Variants in MELK observed in about 807,000 individuals in gnomAD.
The protein encoded by MELK is pEg3 kinase.
In MELK, 81 loss-of-function variants were observed where a neutral mutation model predicts 85.0. The ratio of observed to expected loss-of-function variants is 0.95; its 90% CI spans 0.80 to 1.15. MELK has a LOEUF of 1.15. Among genes scored for constraint, MELK ranks in the 50% most tolerant of loss-of-function variants. MELK has a pLI of 0.00. For synonymous variants in MELK, 252 were observed against 265.0 expected, an observed-to-expected ratio of 0.95 and a Z score of 0.48; for missense variants, 754 against 777.5, an observed-to-expected ratio of 0.97 and a Z score of 0.36.
At chr9:36,576,930 C>T (rs190407935) in intron 1 of MELK, among the ~76,000 whole-genome samples, 8 of 152,152 alleles carry the variant, frequency 5.3e-5, no homozygotes, top group Admixed American at 2.6e-4. Context: ...TTTAAAATGT[C>T]CTTTGTGGCT....
chr9:36,602,654 G>A (rs1332852316), intron 7 of MELK, among the ~76,000 whole-genome samples: 1 of 150,456 alleles, frequency 6.6e-6, no homozygotes. Context: ...CAGCCTCCTG[G>A]GTTCAAGCGA....
intron 11 of MELK, among the ~76,000 whole-genome samples, chr9:36,649,302 C>T (rs1015002507): frequency 2.0e-5 from 3 of 151,946 alleles, no homozygotes; most frequent in African/African-American, 4.8e-5. Flanking sequence ...CTGGCTAGCA[C>T]GGTGAAACCC....
In MELK at chr9:36,636,782, T is replaced by TCTGTCTG. The variant is rs1829220194; in HGVS notation, c.834+3582_834+3583insCTGTCTG. ...TTTCTTTCTTTCTTTCTTTCTTTCT[T>TCTGTCTG]TCTGTCTGTCTTTCTTTCTTTCTGT... On this transcript the variant is annotated intron_variant, in intron 10 of 17. Transcript: ENST00000298048. Among the ~76,000 whole-genome samples, 515 of 107,604 alleles carry TCTGTCTG rather than the reference T, an allele frequency of 4.8e-3. 5 individuals carry two copies. Among genetic ancestry groups the TCTGTCTG allele is most frequent in the African/African-American group, 0.016 (390 of 24,480 alleles). The allele number at this position is 107,604 out of a possible 152,430, so 70.6% of individuals were successfully genotyped here. A position where few individuals can be genotyped will look rare whatever the true frequency, so the allele number is the denominator to read the frequency against.
At chr9:36,643,990 T>G (rs1341099498) in intron 11 of MELK, among the ~76,000 whole-genome samples, 2 of 147,158 alleles carry the variant, frequency 1.4e-5, no homozygotes, top group African/African-American at 5.0e-5. Flanking sequence ...ATGGACAGAG[T>G]TCTAATTTTG....
chr9:36,634,889 C>T (rs1208861742), intron 10 of MELK, among the ~76,000 whole-genome samples: 2 of 152,020 alleles, frequency 1.3e-5, no homozygotes, highest in Non-Finnish European at 2.9e-5. Context: ...CCCAGCTACT[C>T]AGGAGGCTGA....
At chr9:36,636,164 A>G (rs1220804650) in intron 10 of MELK, among the ~76,000 whole-genome samples, 1 of 151,988 alleles carries the variant, frequency 6.6e-6, no homozygotes, top group African/African-American at 2.4e-5. Flanking sequence ...TATTTTGTGT[A>G]TTAGTTATTG....
intron 4 of MELK, among the ~76,000 whole-genome samples, chr9:36,594,373 T>C (rs1265591006): frequency 1.3e-5 from 2 of 152,222 alleles, no homozygotes; most frequent in African/African-American, 4.8e-5. Flanking sequence ...CTTTTTAAAA[T>C]CACAGTGGTA....
intron 8 of MELK, among the ~76,000 whole-genome samples, chr9:36,608,003 G>A (rs1462361550): frequency 1.3e-5 from 2 of 152,020 alleles, no homozygotes; most frequent in African/African-American, 4.8e-5. Context: ...CATTCAGGCC[G>A]GGCGCGGTGG....
chr9:36,588,648 G>A (rs895386122), intron 3 of MELK, among the ~76,000 whole-genome samples: 2 of 152,114 alleles, frequency 1.3e-5, no homozygotes, highest in Non-Finnish European at 2.9e-5. Context: ...CAAAGTGCTG[G>A]GATTATACGC....
intron 7 of MELK, among the ~76,000 whole-genome samples, chr9:36,601,365 GA>G (rs1308953484): frequency 1.3e-5 from 2 of 152,164 alleles, no homozygotes; most frequent in African/African-American, 4.8e-5. Flanking sequence ...CATTTTTGAA[GA>G]AGCCAGTTAT....
At chr9:36,639,394 T>G (rs957126310) in intron 10 of MELK, among the ~76,000 whole-genome samples, 3 of 152,206 alleles carry the variant, frequency 2.0e-5, no homozygotes, top group African/African-American at 7.2e-5. Flanking sequence ...TCAGATTTCC[T>G]TGAATATTTA....
At position 36,652,500 on chromosome 9, in the gene MELK, G is replaced by A. The variant is rs557332448; in HGVS notation, c.1053+623G>A. Among the ~76,000 whole-genome samples the A allele has an allele frequency of 2.6e-5, 4 of 151,198 alleles. No homozygotes were observed. The East Asian group carries it at 8.0e-4, about 30-fold the overall frequency. On this transcript the variant is annotated intron_variant, in intron 12 of 17. Coordinates refer to ENST00000298048, the MANE Select transcript of MELK (RefSeq NM_014791.4). Reference sequence around the variant, plus strand: ...TAATCCCAGCACTTTGGGAGGCCAAGGCAGGTGGATCACAAGGTCAGGAGT... The same window carrying A: ...TAATCCCAGCACTTTGGGAGGCCAAAGCAGGTGGATCACAAGGTCAGGAGT...
chr9:36,660,781 C>T (rs558449564), intron 13 of MELK, among the ~76,000 whole-genome samples: 44 of 151,744 alleles, frequency 2.9e-4, no homozygotes, highest in African/African-American at 8.7e-4. Flanking sequence ...CACCTGAGGT[C>T]GGGAGTTCAA....
intron 3 of MELK, among the ~76,000 whole-genome samples, chr9:36,585,638 CAT>C (rs2135168100): frequency 6.6e-6 from 1 of 151,590 alleles, no homozygotes; most frequent in African/African-American, 2.4e-5. Context: ...AATTATCAAA[CAT>C]AAAAAATAAT....
Position 36,615,079 on chromosome 9 carries a change from C to G in MELK, c.666+7406C>G, listed in dbSNP as rs1046796775. On this transcript the variant is annotated intron_variant, in intron 8 of 17. Coordinates refer to ENST00000298048, the MANE Select transcript of MELK (RefSeq NM_014791.4). ...GCCGGGCGGGGGGGCTGACCCCCCC[C>G]CCACCTCCCTCCCGGACGGGGCGGC... Among the ~76,000 whole-genome samples, 6 of 143,618 alleles carry G rather than the reference C, an allele frequency of 4.2e-5. 1 individual carries two copies. The highest frequency in any genetic ancestry group is 2.7e-4 in the Admixed American group (4 of 14,836). 94.2% of individuals were successfully genotyped at this position (143,618 alleles called of 152,430 possible). A position where few individuals can be genotyped will look rare whatever the true frequency, so the allele number is the denominator to read the frequency against.
At chr9:36,626,846 C>G (rs1827975918) in intron 8 of MELK, among the ~76,000 whole-genome samples, 1 of 151,628 alleles carries the variant, frequency 6.6e-6, no homozygotes, top group African/African-American at 2.4e-5. Flanking sequence ...GTAATCCCAG[C>G]TACTCTGCAG....
intron 10 of MELK, among the ~76,000 whole-genome samples, chr9:36,635,078 A>G (rs1242522611): frequency 7.2e-6 from 1 of 139,110 alleles, no homozygotes; most frequent in Non-Finnish European, 1.5e-5. Context: ...AGTCACACAG[A>G]GTATTAAAAA....
chr9:36,598,981 T>C (rs1165638806), intron 6 of MELK, among the ~76,000 whole-genome samples: 1 of 152,136 alleles, frequency 6.6e-6, no homozygotes, highest in Admixed American at 6.6e-5. Flanking sequence ...TTCATCTAGC[T>C]TCTCTTTGCT....
Position 36,594,558 on chromosome 9 carries a change from T to C in MELK, c.262-70T>C, listed in dbSNP as rs527522039. 1,740 of 1,545,346 alleles carry C rather than the reference T, an allele frequency of 1.1e-3. 4 individuals carry two copies. The highest frequency in any genetic ancestry group is 1.4e-3 in the Non-Finnish European group (1,607 of 1,133,760). On this transcript the variant is annotated intron_variant, in intron 4 of 17. Coordinates refer to ENST00000298048, the MANE Select transcript of MELK (RefSeq NM_014791.4). ...TAATATCTCTGAGTTAAGTGTACTT[T>C]TTTATTTTAAATTTCTGTGAAGTGA...
Sources: gnomAD v4.1 joint callset for allele counts (sites outside exome capture counted in the v4.1 genomes callset) on GRCh38, gnomAD v4.1.1 for gene constraint, MANE v1.5 for transcripts, NCBI Gene and HGNC (gene_info 2026-07-23, HGNC 2026-07-21) for gene names.